The following SLC44A1 variants were observed in gnomAD, a reference collection of about 807,000 sequenced individuals.
The protein encoded by SLC44A1 is choline transporter-like protein 1.
SLC44A1 carries 26 observed loss-of-function variants against 79.3 expected under a neutral mutation model. The observed-to-expected ratio is 0.33, with a 90% CI of 0.24 to 0.46. The LOEUF is 0.46. Among genes scored for constraint, SLC44A1 ranks in the 20% least tolerant of loss-of-function variants. SLC44A1 has a pLI of 1.00. For synonymous variants in SLC44A1, 263 were observed against 286.2 expected (o/e 0.92, Z 0.82); for missense variants, 688 against 798.1 (o/e 0.86, Z 1.66).
intron 15 of SLC44A1, among the ~76,000 whole-genome samples, chr9:105,429,988 T>G (rs928674340): frequency 5.3e-5 from 8 of 152,062 alleles, no homozygotes; most frequent in African/African-American, 1.9e-4. Context: ...CTTTGACCCT[T>G]CCAGGCTCCT....
At chr9:105,435,826 G>A (rs780377931) in intron 15 of SLC44A1, among the ~76,000 whole-genome samples, 3 of 152,208 alleles carry the variant, frequency 2.0e-5, no homozygotes, top group Non-Finnish European at 2.9e-5. Context: ...AGCAATAGGG[G>A]AAACTAGGCA....
At chr9:105,271,614 T>G (rs549233339) in intron 1 of SLC44A1, among the ~76,000 whole-genome samples, 1 of 152,178 alleles carries the variant, frequency 6.6e-6, no homozygotes, top group South Asian at 2.1e-4. Flanking sequence ...GATTGTGATC[T>G]TTTTCTTTTT....
chr9:105,307,118 T>A (rs960388443), intron 2 of SLC44A1, among the ~76,000 whole-genome samples: 1 of 152,234 alleles, frequency 6.6e-6, no homozygotes, highest in African/African-American at 2.4e-5. Flanking sequence ...TCACCTGCCA[T>A]GTACCAGACA....
Position 105,395,419 on chromosome 9 carries a change from A to G in SLC44A1, c.*6363A>G. On this transcript the variant is annotated 3_prime_UTR_variant, in exon 16 of 16. Coordinates refer to ENST00000374720, the MANE Select transcript of SLC44A1 (RefSeq NM_080546.5). ...TTTTTAGTAGAGACGGGGTTTCACC[A>G]CGTTGGCCAGGCCAATCTCGAACTC... 2 of 458,394 alleles carry G rather than the reference A, an allele frequency of 4.4e-6. No homozygotes were observed. The highest frequency in any genetic ancestry group is 5.7e-6 in the Non-Finnish European group (2 of 348,194). 28.4% of individuals were successfully genotyped at this position (458,394 alleles called of 1,614,324 possible).
At chr9:105,336,599 T>A (rs1377376263) in intron 4 of SLC44A1, among the ~76,000 whole-genome samples, 1 of 152,188 alleles carries the variant, frequency 6.6e-6, no homozygotes, top group Non-Finnish European at 1.5e-5. Context: ...CCTGCCCAGA[T>A]CCACAGGCTA....
chr9:105,280,340 C>T (rs1046530653), intron 1 of SLC44A1, among the ~76,000 whole-genome samples: 4 of 152,126 alleles, frequency 2.6e-5, no homozygotes, highest in African/African-American at 7.2e-5. Context: ...CTAATGTCTT[C>T]AAGGATAACT....
chr9:105,368,199 C>CTT (rs11286712), intron 12 of SLC44A1, among the ~76,000 whole-genome samples: 293 of 143,862 alleles, frequency 2.0e-3, no homozygotes, highest in African/African-American at 5.0e-3. Flanking sequence ...AGATGTTGGT[C>CTT]TTTTTTTTTT....
intron 15 of SLC44A1, among the ~76,000 whole-genome samples, chr9:105,402,618 T>G (rs1001562124): frequency 6.6e-6 from 1 of 152,232 alleles, no homozygotes; most frequent in Non-Finnish European, 1.5e-5. Flanking sequence ...TTCCACTCCC[T>G]GATAATGATT....
intron 14 of SLC44A1, among the ~76,000 whole-genome samples, chr9:105,384,368 A>G (rs934776365): frequency 6.6e-5 from 10 of 152,016 alleles, no homozygotes; most frequent in African/African-American, 2.2e-4. Flanking sequence ...TTTAGTAGAG[A>G]TGGGGTTTTA....
intron 7 of SLC44A1, among the ~76,000 whole-genome samples, chr9:105,359,173 C>T (rs1827708936): frequency 6.6e-6 from 1 of 152,028 alleles, no homozygotes; most frequent in African/African-American, 2.4e-5. Context: ...TTTACGTTTT[C>T]CTGGACTAGT....
chr9:105,405,871 G>A (rs377090781), intron 15 of SLC44A1, among the ~76,000 whole-genome samples: 2 of 152,310 alleles, frequency 1.3e-5, no homozygotes, highest in African/African-American at 4.8e-5. Context: ...GCCTGGGAAA[G>A]AAGAGGCTAG....
intron 9 of SLC44A1, among the ~76,000 whole-genome samples, chr9:105,364,072 CTGAG>C (rs1443805480): frequency 3.9e-5 from 6 of 152,234 alleles, no homozygotes; most frequent in Admixed American, 2.0e-4. Flanking sequence ...TACAGCCGTA[CTGAG>C]TATCAAAGGT....
At chr9:105,272,802 A>G (rs1403318527) in intron 1 of SLC44A1, among the ~76,000 whole-genome samples, 2 of 152,150 alleles carry the variant, frequency 1.3e-5, no homozygotes, top group African/African-American at 4.8e-5. Flanking sequence ...AAATGCTGAA[A>G]GTAGGTCTCC....
chr9:105,351,632 GAGAAAGAA>G lies in SLC44A1; in HGVS notation c.500+3218_500+3225del, dbSNP rs55635937. 4.8e-3 allele frequency among the ~76,000 whole-genome samples: 488 copies of G among 101,358 alleles called. 18 individuals are homozygous for G. Among genetic ancestry groups the G allele is most frequent in the African/African-American group, 0.018 (435 of 24,276 alleles). 66.5% of individuals were successfully genotyped at this position (101,358 alleles called of 152,430 possible). ...AAAGAAAGAAAGAAAGAGAGAGAAAGAGAAAGAAAGAAAGAAAGAAAGAAAGAAAGAAA... is the reference window on the plus strand; with the variant it reads ...AAAGAAAGAAAGAAAGAGAGAGAAAGAGAAAGAAAGAAAGAAAGAAAGAAA... On this transcript the variant is annotated intron_variant, in intron 5 of 15. Coordinates refer to ENST00000374720, the MANE Select transcript of SLC44A1 (RefSeq NM_080546.5).
At chr9:105,410,756 T>G (rs1374006380) in intron 15 of SLC44A1, among the ~76,000 whole-genome samples, 1 of 152,178 alleles carries the variant, frequency 6.6e-6, no homozygotes, top group Non-Finnish European at 1.5e-5. Flanking sequence ...AGTAGCATTA[T>G]TCACGATAAC....
At chr9:105,295,910 T>A (rs1830711043) in intron 1 of SLC44A1, among the ~76,000 whole-genome samples, 1 of 152,174 alleles carries the variant, frequency 6.6e-6, no homozygotes, top group African/African-American at 2.4e-5. Context: ...TTGTAAAGCT[T>A]TGAGTCTAAT....
chr9:105,358,018 C>G (rs1043372676), intron 6 of SLC44A1, among the ~76,000 whole-genome samples: 3 of 152,180 alleles, frequency 2.0e-5, no homozygotes. Flanking sequence ...TGTGTGCTGG[C>G]ATGTATGTTT....
rs190393722 is a variant in SLC44A1 at position 105,248,273 on chromosome 9, A to G, written c.36+3369A>G. Reference sequence around the variant, plus strand: ...TTATTTTCCCTTACAGTCTCTTGCTATGTTGTAGATTCTCATAAAAGAGTT... The same window carrying G: ...TTATTTTCCCTTACAGTCTCTTGCTGTGTTGTAGATTCTCATAAAAGAGTT... On this transcript the variant is annotated intron_variant, in intron 1 of 15. Coordinates refer to ENST00000374720, the MANE Select transcript of SLC44A1 (RefSeq NM_080546.5). 5.3e-5 allele frequency among the ~76,000 whole-genome samples: 8 copies of G among 152,310 alleles called. No homozygotes were observed. The East Asian group carries it at 5.8e-4, about 11-fold the overall frequency.
chr9:105,283,379 T>C (rs576224938), intron 1 of SLC44A1, among the ~76,000 whole-genome samples: 4 of 152,292 alleles, frequency 2.6e-5, no homozygotes, highest in East Asian at 1.9e-4. Context: ...GTGGTTTAGG[T>C]TTTACCAAGG....
Sources: allele counts gnomAD v4.1 joint callset (sites outside exome capture counted in the v4.1 genomes callset), GRCh38; gene constraint gnomAD v4.1.1; transcripts MANE v1.5; gene names NCBI Gene and HGNC (gene_info 2026-07-23, HGNC 2026-07-21).